Variants in DHRS4L2 observed in about 807,000 individuals in gnomAD.
DHRS4L2 encodes the protein dehydrogenase/reductase SDR family member 4-like 2.
DHRS4L2 carries 22 observed loss-of-function variants against 23.9 expected under a neutral mutation model. The observed-to-expected ratio is 0.92, with a 90% CI of 0.66 to 1.31. DHRS4L2 has a LOEUF of 1.31. Among genes scored for constraint, DHRS4L2 ranks in the 40% most tolerant of loss-of-function variants. The pLI, the probability that DHRS4L2 is intolerant of heterozygous loss-of-function variation, is 0.00. For synonymous variants in DHRS4L2, 141 were observed against 123.7 expected, an observed-to-expected ratio of 1.14 and a Z score of -0.93; for missense variants, 385 against 303.3, an observed-to-expected ratio of 1.27 and a Z score of -2.00.
chr14:23,991,793 A>C (rs1397104297), intron 2 of DHRS4L2, among the ~76,000 whole-genome samples: 3 of 148,532 alleles, frequency 2.0e-5, no homozygotes, highest in Admixed American at 6.7e-5. Context: ...CTGAAGTGAT[A>C]TGGCACAATC....
Position 24,000,850 on chromosome 14 carries a change from C to G in DHRS4L2, c.409-13C>G. 6.2e-7 allele frequency: 1 copy of G among 1,605,624 alleles called. No homozygotes were observed. The highest frequency in any genetic ancestry group is 8.5e-7 in the Non-Finnish European group (1 of 1,175,092). On this transcript the variant is annotated splice_polypyrimidine_tract_variant and intron_variant, in intron 3 of 7. Coordinates refer to ENST00000335125, the MANE Select transcript of DHRS4L2 (RefSeq NM_198083.4). ...TTCACTCATGCTGTTTCCCCTTCTT[C>G]TCTTGGCTTCAGACTCTGGACATTA...
Position 23,991,497 on chromosome 14 carries a change from T to C in DHRS4L2, c.306+1138T>C, listed in dbSNP as rs180828783. On this transcript the variant is annotated intron_variant, in intron 2 of 7. Transcript: ENST00000335125. ...AACCTGTGCCCCCCACCAGGTTCAC[T>C]TAACATGGCCTACAGGCCTGGCCCA... Among the ~76,000 whole-genome samples, 7 of 151,886 alleles carry C rather than the reference T, an allele frequency of 4.6e-5. 1 individual carries two copies. In the East Asian group the frequency reaches 1.2e-3, roughly 25 times the overall value.
intron 2 of DHRS4L2, among the ~76,000 whole-genome samples, chr14:23,991,392 C>T (rs141047260): frequency 3.3e-5 from 5 of 151,658 alleles, no homozygotes; most frequent in Non-Finnish European, 5.9e-5. Context: ...TGGAAGGAGC[C>T]GTTTGGGAGT....
Position 23,994,352 on chromosome 14 carries a change from C to T in DHRS4L2, c.307-680C>T, listed in dbSNP as rs1294116499. 3.3e-5 allele frequency among the ~76,000 whole-genome samples: 5 copies of T among 151,536 alleles called. 1 individual carries two copies. Among genetic ancestry groups the T allele is most frequent in the Non-Finnish European group, 5.9e-5 (4 of 67,908 alleles). On this transcript the variant is annotated intron_variant, in intron 2 of 7. Coordinates refer to ENST00000335125, the MANE Select transcript of DHRS4L2 (RefSeq NM_198083.4). ...CAAAGGGAAAGTGTAAAGAAAAGAG[C>T]GTCAGAGACAGCCTTGGAAGAATAG...
At chr14:23,982,792 C>G (rs2034076989) in intron 1 of DHRS4L2, among the ~76,000 whole-genome samples, 2 of 151,544 alleles carry the variant, frequency 1.3e-5, no homozygotes, top group East Asian at 1.9e-4. Context: ...ACACCTTATA[C>G]AAAAAAACTG....
chr14:23,983,078 G>A lies in DHRS4L2; in HGVS notation c.-175-7104G>A, dbSNP rs535833230. ...CTTCAGCACAGCAGAAGAGACTATCGTCAGAGTGAACAGGCAACCCACAGA... is the reference window on the plus strand; with the variant it reads ...CTTCAGCACAGCAGAAGAGACTATCATCAGAGTGAACAGGCAACCCACAGA... On this transcript the variant is annotated intron_variant, in intron 1 of 5. Transcript: ENST00000534993. Among the ~76,000 whole-genome samples, 59 of 151,656 alleles carry A rather than the reference G, an allele frequency of 3.9e-4. No homozygotes were observed. In the South Asian group the frequency reaches 7.7e-3, roughly 20 times the overall value.
chr14:23,998,931 A>C (rs1257138873), intron 3 of DHRS4L2, among the ~76,000 whole-genome samples: 1 of 147,664 alleles, frequency 6.8e-6, no homozygotes, highest in African/African-American at 2.5e-5. Flanking sequence ...ACTAAGCTTA[A>C]TTGTTTCTAG....
In DHRS4L2 at chr14:23,988,994, C is replaced by A; in HGVS notation, c.47C>A (p.Ser16Ter). 1 of 1,611,006 alleles carries A rather than the reference C, an allele frequency of 6.2e-7. No homozygotes were observed. Among genetic ancestry groups the A allele is most frequent in the African/African-American group, 1.3e-5 (1 of 74,936 alleles). Residue 16 changes from serine (S) to a stop codon, truncating the protein, a stop_gained, in exon 1 of 8, where the codon TCG (serine) becomes TAG (stop). Coordinates refer to ENST00000335125, the MANE Select transcript of DHRS4L2 (RefSeq NM_198083.4). LOFTEE classifies it high-confidence loss of function. ...LLGLCAWARK[S>*]VRMASSRMTR... ...GGCCTCTGTGCCTGGGCACGGAAGT[C>A]GGTGCGGATGGCCAGCTCCAGGATG...
At chr14:23,971,952 T>A (rs1259118609) in intron 1 of DHRS4L2, among the ~76,000 whole-genome samples, 1 of 152,064 alleles carries the variant, frequency 6.6e-6, no homozygotes, top group Non-Finnish European at 1.5e-5. Flanking sequence ...GCTAACGTCA[T>A]GACAGGATCA....
chr14:23,990,116 G>C (rs2034234882), intron 1 of DHRS4L2, 66 bp from the exon 2 acceptor site: 1 of 1,593,912 alleles, frequency 6.3e-7, no homozygotes. Flanking sequence ...CTTAACTTCA[G>C]AGCCCATGCT....
rs1212493114 is a variant in DHRS4L2 at position 23,990,223 on chromosome 14, C to T, written c.170C>T (p.Ala57Val). The change falls in exon 2 of 8, where the codon GCC becomes GTC. Residue 57 changes from alanine (A) to valine (V), a missense_variant. Physicochemically the swap from Ala to Val is moderately conservative, Grantham distance 64. Coordinates refer to ENST00000335125, the MANE Select transcript of DHRS4L2 (RefSeq NM_198083.4). ...AIARRLAQDRAHVVVSSRKQQ... is the reference protein window; with the variant it reads ...AIARRLAQDRVHVVVSSRKQQ... ...GCCCGGCGTTTGGCCCAGGACAGGG[C>T]CCACGTGGTCGTCAGCAGCCGGAAG... The T allele has an allele frequency of 1.2e-6, 2 of 1,612,734 alleles. No homozygotes were observed. Among genetic ancestry groups the T allele is most frequent in the Admixed American group, 1.7e-5 (1 of 59,980 alleles).
upstream of DHRS4L2, among the ~76,000 whole-genome samples, chr14:23,988,416 C>A (rs1003193500): frequency 6.7e-6 from 1 of 149,104 alleles, no homozygotes; most frequent in Admixed American, 6.8e-5. Context: ...GCAGCTACTG[C>A]CTATCACGTC....
intron 1 of DHRS4L2, among the ~76,000 whole-genome samples, chr14:23,971,771 G>C (rs139156506): frequency 0.01 from 1,575 of 152,146 alleles, 24 homozygotes; most frequent in African/African-American, 0.036. Context: ...TGCAGACAAG[G>C]AGATGCTGAG....
chr14:23,996,925 A>C (rs1275677185), intron 3 of DHRS4L2, among the ~76,000 whole-genome samples: 1 of 152,006 alleles, frequency 6.6e-6, no homozygotes, highest in African/African-American at 2.4e-5. Context: ...ATGAGCCACC[A>C]CACACAGCCA....
At chr14:23,981,129 G>C (rs1453406051) in intron 1 of DHRS4L2, among the ~76,000 whole-genome samples, 1 of 151,786 alleles carries the variant, frequency 6.6e-6, no homozygotes, top group Admixed American at 6.6e-5. Flanking sequence ...CAAAATCAAT[G>C]TGCAAAAATC....
rs576913387 is a variant in DHRS4L2 at position 23,999,401 on chromosome 14, T to G, written c.409-1462T>G. Among the ~76,000 whole-genome samples, 1,029 of 116,074 alleles carry G rather than the reference T, an allele frequency of 8.9e-3. 3 individuals carry two copies. The highest frequency in any genetic ancestry group is 0.036 in the East Asian group (127 of 3,506). 76.1% of individuals were successfully genotyped at this position (116,074 alleles called of 152,430 possible). ...AATATCTGCAAAGCATAAGAAAATA[T>G]GTGTCTATAACTTTTCTTTTAATTT... On this transcript the variant is annotated intron_variant, in intron 3 of 7. Coordinates refer to ENST00000335125, the MANE Select transcript of DHRS4L2 (RefSeq NM_198083.4).
chr14:23,977,813 T>C (rs1470401687), intron 1 of DHRS4L2, among the ~76,000 whole-genome samples: 1 of 151,596 alleles, frequency 6.6e-6, no homozygotes, highest in East Asian at 1.9e-4. Context: ...TTAGACCAGA[T>C]GACAAAAACC....
chr14:23,982,761 C>G (rs2034076458), intron 1 of DHRS4L2, among the ~76,000 whole-genome samples: 1 of 151,620 alleles, frequency 6.6e-6, no homozygotes, highest in African/African-American at 2.4e-5. Context: ...AGGCAGAAAA[C>G]TGAAACTGGA....
In DHRS4L2 at chr14:23,972,387, T is replaced by A. The variant is rs1166190095; in HGVS notation, c.-176+2055T>A. Among the ~76,000 whole-genome samples the A allele has an allele frequency of 1.3e-5, 2 of 152,038 alleles. 1 individual carries two copies. The highest frequency in any genetic ancestry group is 2.9e-5 in the Non-Finnish European group (2 of 67,980). On this transcript the variant is annotated intron_variant, in intron 1 of 5. Transcript: ENST00000534993. ...CGTTCCTCCTGTCTGGAGTTGTTCATTCCTCCTGGTGGGTTCGTGGCCTCA... is the reference window on the plus strand; with the variant it reads ...CGTTCCTCCTGTCTGGAGTTGTTCAATCCTCCTGGTGGGTTCGTGGCCTCA...
Sources: gnomAD v4.1 joint callset for allele counts (sites outside exome capture counted in the v4.1 genomes callset) on GRCh38, gnomAD v4.1.1 for gene constraint, MANE v1.5 for transcripts, NCBI Gene and HGNC (gene_info 2026-07-23, HGNC 2026-07-21) for gene names.